ASB3: variants seen among roughly 807,000 people sequenced by gnomAD.
ASB3 encodes the protein ankyrin repeat and SOCS box containing 3, also known as ankyrin repeat and SOCS box protein 3.
In ASB3, 41 loss-of-function variants were observed where a neutral mutation model predicts 54.5. The observed-to-expected ratio is 0.75, with a 90% CI of 0.59 to 0.98. The LOEUF (loss-of-function observed/expected upper bound fraction) is 0.98. Among genes scored for constraint, ASB3 ranks in the 50% least tolerant of loss-of-function variants. ASB3 has a pLI of 0.00. For missense variants in ASB3, 733 were observed against 620.0 expected, an observed-to-expected ratio of 1.18 and a Z score of -1.94; for synonymous variants, 266 against 221.2, an observed-to-expected ratio of 1.20 and a Z score of -1.80.
intron 3 of ASB3, among the ~76,000 whole-genome samples, chr2:53,750,536 C>G (rs1358390842): frequency 6.6e-6 from 1 of 152,038 alleles, no homozygotes; most frequent in Non-Finnish European, 1.5e-5. Context: ...ATGATGGTGC[C>G]TACAATTCGA....
intron 6 of ASB3, among the ~76,000 whole-genome samples, chr2:53,715,056 G>A (rs994291033): frequency 1.3e-5 from 2 of 151,962 alleles, no homozygotes; most frequent in African/African-American, 4.8e-5. Flanking sequence ...TAACTGGCAT[G>A]AAATTAAGAC....
At position 53,696,410 on chromosome 2, in the gene ASB3, T is replaced by C. The variant is rs926272371; in HGVS notation, c.1239-2396A>G. Among the ~76,000 whole-genome samples, 14 of 151,892 alleles carry C rather than the reference T, an allele frequency of 9.2e-5. 1 individual carries two copies. The highest frequency in any genetic ancestry group is 1.9e-4 in the East Asian group (1 of 5,182). On this transcript the variant is annotated intron_variant, in intron 8 of 9. Transcript: ENST00000263634. ...GGAAAATGGGGGAGCAGTATCAGAATTGGGAAAGGGGGGATAAATTACAAA... is the reference window on the plus strand; with the variant it reads ...GGAAAATGGGGGAGCAGTATCAGAACTGGGAAAGGGGGGATAAATTACAAA...
chr2:53,693,775 T>C (rs1669040860), intron 9 of ASB3, 109 bp downstream of exon 9: 1 of 1,425,964 alleles, frequency 7.0e-7, no homozygotes, highest in Non-Finnish European at 9.3e-7. Flanking sequence ...ATGCAAATTA[T>C]GTCTAATTTG....
At chr2:53,710,042 TGGCTCCTGTCAAG>T (rs1670003632) in intron 7 of ASB3, among the ~76,000 whole-genome samples, 1 of 152,218 alleles carries the variant, frequency 6.6e-6, no homozygotes, top group Non-Finnish European at 1.5e-5. Flanking sequence ...GTTGATCCCC[TGGCTCCTGTCAAG>T]CTTGCTAATG....
intron 1 of ASB3, chr2:53,767,942 A>T (rs1673599392): frequency 6.2e-7 from 1 of 1,614,118 alleles, no homozygotes; most frequent in Non-Finnish European, 8.5e-7. Context: ...CCCTATCAGG[A>T]CAAGCTGGTC....
chr2:53,765,910 C>G (rs1055735889), intron 1 of ASB3, among the ~76,000 whole-genome samples: 5 of 103,274 alleles, frequency 4.8e-5, no homozygotes, highest in Admixed American at 8.4e-5. Flanking sequence ...TTCTTTGGTG[C>G]TCCATTGATA....
At chr2:53,678,303 C>T (rs1488948157) in intron 9 of ASB3, among the ~76,000 whole-genome samples, 3 of 152,060 alleles carry the variant, frequency 2.0e-5, no homozygotes, top group Admixed American at 2.0e-4. Flanking sequence ...TTTTCATTTC[C>T]CCACAACCAT....
intron 1 of ASB3, among the ~76,000 whole-genome samples, chr2:53,777,357 G>T (rs149468221): frequency 6.6e-6 from 1 of 152,096 alleles, no homozygotes; most frequent in Admixed American, 6.6e-5. Flanking sequence ...TGCTTCTCTG[G>T]TGCATCAGAC....
At chr2:53,675,635 A>G (rs1276191824) in intron 9 of ASB3, among the ~76,000 whole-genome samples, 2 of 152,194 alleles carry the variant, frequency 1.3e-5, no homozygotes, top group Non-Finnish European at 2.9e-5. Flanking sequence ...TATTGTCAAA[A>G]TTCATCTGGT....
At chr2:53,722,593 A>G (rs988070265) in intron 5 of ASB3, among the ~76,000 whole-genome samples, 14 of 152,232 alleles carry the variant, frequency 9.2e-5, no homozygotes, top group African/African-American at 3.1e-4. Flanking sequence ...TCATCTCAAC[A>G]GATGTGAGAA....
intron 8 of ASB3, among the ~76,000 whole-genome samples, chr2:53,697,885 T>A (rs1354029066): frequency 6.6e-6 from 1 of 152,152 alleles, no homozygotes; most frequent in Non-Finnish European, 1.5e-5. Flanking sequence ...GGCGCCCCTA[T>A]GGCTTTGCTC....
At chr2:53,688,321 C>T (rs925841650) in intron 9 of ASB3, among the ~76,000 whole-genome samples, 10 of 152,202 alleles carry the variant, frequency 6.6e-5, no homozygotes, top group South Asian at 4.1e-4. Context: ...CTTGAGTGTC[C>T]CAGGTGTCAA....
At chr2:53,721,808 C>T (rs533103226) in intron 5 of ASB3, among the ~76,000 whole-genome samples, 1 of 151,628 alleles carries the variant, frequency 6.6e-6, no homozygotes, top group African/African-American at 2.4e-5. Context: ...ACAAACTAAC[C>T]CCAAAGCTAT....
chr2:53,746,156 T>G (rs1258283148), intron 3 of ASB3, among the ~76,000 whole-genome samples: 1 of 151,284 alleles, frequency 6.6e-6, no homozygotes. Flanking sequence ...ATTAGCTGGG[T>G]GTGGTGGCGG....
At chr2:53,767,880 C>T (rs1673591534) in intron 1 of ASB3, 1 of 1,604,692 alleles carries the variant, frequency 6.2e-7, no homozygotes, top group South Asian at 1.1e-5. Context: ...AGAGGAGCCG[C>T]GAGAAGATGT....
intron 8 of ASB3, chr2:53,694,617 G>T (rs17579618): frequency 6.6e-6 from 1 of 152,020 alleles, no homozygotes. Context: ...TCAAAATAAC[G>T]TCAGATTCCC....
intron 7 of ASB3, among the ~76,000 whole-genome samples, chr2:53,709,718 T>C (rs1669984101): frequency 6.6e-6 from 1 of 152,182 alleles, no homozygotes; most frequent in South Asian, 2.1e-4. Flanking sequence ...TCAGAGATAA[T>C]GTGTGAGACA....
chr2:53,721,162 A>AAATG (rs1670686035), intron 5 of ASB3, among the ~76,000 whole-genome samples: 1 of 149,120 alleles, frequency 6.7e-6, no homozygotes, highest in African/African-American at 2.5e-5. Context: ...ATAAATAAAT[A>AAATG]AACTGAATTA....
chr2:53,773,325 T>C (rs969794651), intron 1 of ASB3, among the ~76,000 whole-genome samples: 3 of 152,236 alleles, frequency 2.0e-5, no homozygotes, highest in African/African-American at 7.2e-5. Flanking sequence ...GCTGTGCCTA[T>C]GATACAAAGA....
Sources: allele counts gnomAD v4.1 joint callset (sites outside exome capture counted in the v4.1 genomes callset), GRCh38; gene constraint gnomAD v4.1.1; transcripts MANE v1.5; gene names NCBI Gene and HGNC (gene_info 2026-07-23, HGNC 2026-07-21).